TBXAS1: variants seen among roughly 807,000 people sequenced by gnomAD.
TBXAS1 encodes the protein thromboxane A synthase 1, also known as thromboxane-A synthase.
TBXAS1 carries 48 observed loss-of-function variants against 60.7 expected under a neutral mutation model. That is an observed-to-expected ratio of 0.79 (90% CI 0.63 to 1.01). The LOEUF (loss-of-function observed/expected upper bound fraction) is 1.01. Among genes scored for constraint, TBXAS1 ranks in the 50% least tolerant of loss-of-function variants. The pLI, the probability that TBXAS1 is intolerant of heterozygous loss-of-function variation, is 0.00. For missense variants in TBXAS1, 685 were observed against 686.3 expected, an observed-to-expected ratio of 1.00 and a Z score of 0.02; for synonymous variants, 287 against 269.7, an observed-to-expected ratio of 1.06 and a Z score of -0.63.
At chr7:139,786,223 G>A (rs907502150) in intron 3 of TBXAS1, among the ~76,000 whole-genome samples, 1 of 151,672 alleles carries the variant, frequency 6.6e-6, no homozygotes, top group Admixed American at 6.6e-5. Context: ...TCTATAGAGT[G>A]AGATAATAAT....
Position 139,933,654 on chromosome 7 carries a change from C to T in TBXAS1, c.334-2537C>T, listed in dbSNP as rs141975393. 8.1e-3 allele frequency among the ~76,000 whole-genome samples: 1,226 copies of T among 152,198 alleles called. 15 individuals carry two copies. The highest frequency in any genetic ancestry group is 0.028 in the African/African-American group (1,149 of 41,526). On this transcript the variant is annotated intron_variant, in intron 4 of 12. Coordinates refer to ENST00000448866, the MANE Select transcript of TBXAS1 (RefSeq NM_001061.7). ...CTCCTCTCTAGATACTTTGCAGTTA[C>T]GTTTTATGGCTTATTTTGAGTGTTC...
At chr7:139,881,454 TTC>T (rs1569506919) in intron 3 of TBXAS1, among the ~76,000 whole-genome samples, 69 of 146,600 alleles carry the variant, frequency 4.7e-4, no homozygotes, top group East Asian at 1.2e-3. Context: ...CACACCCTTT[TTC>T]CCCCCCTCCA....
intron 9 of TBXAS1, among the ~76,000 whole-genome samples, chr7:139,980,586 C>A (rs539912522): frequency 2.0e-4 from 31 of 151,966 alleles, no homozygotes; most frequent in Non-Finnish European, 5.9e-5. Flanking sequence ...GAGTCGGCAA[C>A]CTTAAGGAGG....
rs4991451 is a variant in TBXAS1 at position 139,950,676 on chromosome 7, C to T, written c.451-2692C>T. Reference sequence around the variant, plus strand: ...ACAGGACTCCCTCACCCTCCATCTACGGGACCCCCTCGCCCTCCATCTACG... The same window carrying T: ...ACAGGACTCCCTCACCCTCCATCTATGGGACCCCCTCGCCCTCCATCTACG... On this transcript the variant is annotated intron_variant, in intron 5 of 12. Coordinates refer to ENST00000448866, the MANE Select transcript of TBXAS1 (RefSeq NM_001061.7). Among the ~76,000 whole-genome samples the T allele has an allele frequency of 5.2e-3, 659 of 125,566 alleles. 4 individuals are homozygous for T. The highest frequency in any genetic ancestry group is 8.3e-3 in the Non-Finnish European group (475 of 56,898). The allele number at this position is 125,566 out of a possible 152,430, so 82.4% of individuals were successfully genotyped here. A position where few individuals can be genotyped will look rare whatever the true frequency, so the allele number is the denominator to read the frequency against.
At chr7:140,016,558 G>C (rs991555509) in intron 11 of TBXAS1, 6 of 173,184 alleles carry the variant, frequency 3.5e-5, no homozygotes, top group Admixed American at 1.3e-4. Context: ...TTTAAAAAAC[G>C]GGCATCTATG....
At chr7:139,872,620 C>G (rs556832239) in intron 2 of TBXAS1, among the ~76,000 whole-genome samples, 1 of 152,292 alleles carries the variant, frequency 6.6e-6, no homozygotes, top group East Asian at 1.9e-4. Flanking sequence ...CACCATTGCA[C>G]TTTAGCCTGG....
upstream of TBXAS1, among the ~76,000 whole-genome samples, chr7:139,827,735 T>C (rs1798480473): frequency 6.6e-6 from 1 of 152,212 alleles, no homozygotes. Context: ...TTCCTTCATA[T>C]ATGGTGCTTA....
At chr7:139,797,625 A>G (rs900434970) in intron 4 of TBXAS1, 1 of 152,180 alleles carries the variant, frequency 6.6e-6, no homozygotes, top group Non-Finnish European at 1.5e-5. Context: ...ATCCCAAACA[A>G]ATCTCCCAAC....
intron 3 of TBXAS1, among the ~76,000 whole-genome samples, chr7:139,895,206 T>C (rs1172024017): frequency 6.6e-6 from 1 of 152,042 alleles, no homozygotes; most frequent in East Asian, 1.9e-4. Flanking sequence ...AGAAAAGCCC[T>C]TGAGGTGGGA....
chr7:139,905,837 T>A (rs1178420728), intron 3 of TBXAS1, among the ~76,000 whole-genome samples: 2 of 152,178 alleles, frequency 1.3e-5, no homozygotes, highest in East Asian at 1.9e-4. Flanking sequence ...AGGGCAAAAA[T>A]TTTTAATTTT....
chr7:139,993,508 T>C (rs1813071320), intron 9 of TBXAS1, among the ~76,000 whole-genome samples: 1 of 152,222 alleles, frequency 6.6e-6, no homozygotes, highest in Non-Finnish European at 1.5e-5. Flanking sequence ...CTGCTGACCC[T>C]GCGGCCCTGC....
At chr7:139,943,516 C>T (rs138464710) in intron 5 of TBXAS1, among the ~76,000 whole-genome samples, 50 of 152,358 alleles carry the variant, frequency 3.3e-4, no homozygotes, top group Non-Finnish European at 5.7e-4. Context: ...ATTATAATGT[C>T]ACTCTGACTT....
At chr7:139,842,555 G>A (rs1250923963) in intron 1 of TBXAS1, among the ~76,000 whole-genome samples, 1 of 152,194 alleles carries the variant, frequency 6.6e-6, no homozygotes, top group Non-Finnish European at 1.5e-5. Context: ...TGAGACTGGC[G>A]AGAAAGGGAG....
At position 139,976,951 on chromosome 7, in the gene TBXAS1, G is replaced by A. The variant is rs1462060854; in HGVS notation, c.1134+14718G>A. ...CGTGGGTTTTCCGTGATCATGCTGT[G>A]GTCAGATCCAGCCCAACCAGAGAGC... On this transcript the variant is annotated intron_variant, in intron 9 of 12. Transcript: ENST00000448866. 9.9e-5 allele frequency among the ~76,000 whole-genome samples: 15 copies of A among 152,188 alleles called. No homozygotes were observed. The South Asian group carries it at 3.1e-3, about 32-fold the overall frequency.
intron 10 of TBXAS1, among the ~76,000 whole-genome samples, chr7:140,007,766 C>T (rs993639805): frequency 3.9e-5 from 6 of 152,188 alleles, no homozygotes; most frequent in African/African-American, 7.2e-5. Flanking sequence ...ACCTGGTCCT[C>T]CCTGCCCTTC....
rs954917833 is a variant in TBXAS1, at chr7:139,874,806, T to C, written c.184-779T>C. Reference sequence around the variant, plus strand: ...GCTACACTTCTTTCCCATTATAAAATGTGTCTAGCCAGGCACAGTGGCTCA... The same window carrying C: ...GCTACACTTCTTTCCCATTATAAAACGTGTCTAGCCAGGCACAGTGGCTCA... On this transcript the variant is annotated intron_variant, in intron 2 of 12. Coordinates refer to ENST00000448866, the MANE Select transcript of TBXAS1 (RefSeq NM_001061.7). Among the ~76,000 whole-genome samples, 12 of 152,102 alleles carry C rather than the reference T, an allele frequency of 7.9e-5. 1 individual carries two copies. The highest frequency in any genetic ancestry group is 7.9e-4 in the Admixed American group (12 of 15,270).
intron 4 of TBXAS1, among the ~76,000 whole-genome samples, chr7:139,810,040 C>CTT (rs374225998): frequency 2.1e-5 from 3 of 145,904 alleles, no homozygotes; most frequent in African/African-American, 5.0e-5. Flanking sequence ...TGGAAATTAA[C>CTT]TTTTTTTTTT....
At position 139,903,296 on chromosome 7, in the gene TBXAS1, T is replaced by C. The variant is rs571944665; in HGVS notation, c.237-7929T>C. ...TATGTCATTCCTTTTAATGGCAGCA[T>C]AGTATTCCACCATACATATATACCA... is the stretch of plus-strand genomic sequence containing the variant. On this transcript the variant is annotated intron_variant, in intron 3 of 12. Transcript: ENST00000448866. 2.6e-5 allele frequency among the ~76,000 whole-genome samples: 4 copies of C among 152,238 alleles called. No individual in the cohort carries two copies. The East Asian group carries it at 5.8e-4, about 22-fold the overall frequency.
intron 1 of TBXAS1, among the ~76,000 whole-genome samples, chr7:139,871,810 A>G (rs1801843641): frequency 1.3e-5 from 2 of 152,220 alleles, no homozygotes; most frequent in Non-Finnish European, 2.9e-5. Flanking sequence ...CCATGAAAAT[A>G]CACACATTTG....
Sources: allele counts gnomAD v4.1 joint callset (sites outside exome capture counted in the v4.1 genomes callset), GRCh38; gene constraint gnomAD v4.1.1; transcripts MANE v1.5; gene names NCBI Gene and HGNC (gene_info 2026-07-23, HGNC 2026-07-21).